The following NEMF variants were observed in gnomAD, a reference collection of about 807,000 sequenced individuals.
The protein encoded by NEMF is nuclear export mediator factor, also known as ribosome quality control complex subunit NEMF.
Under a neutral mutation model 162.2 loss-of-function variants are expected in NEMF, and 89 were observed. The ratio of observed to expected loss-of-function variants is 0.55; its 90% CI spans 0.46 to 0.65. NEMF has a LOEUF of 0.65. Ranked by LOEUF, NEMF falls within the 30% of genes least tolerant of loss-of-function variation. The probability of loss-of-function intolerance (pLI) is 0.00; values close to 1 mark genes in which losing one functional copy is unlikely to be tolerated. For missense variants in NEMF, 1,133 were observed against 1,261.9 expected, an observed-to-expected ratio of 0.90 and a Z score of 1.55; for synonymous variants, 421 against 404.5, an observed-to-expected ratio of 1.04 and a Z score of -0.49.
chr14:49,822,465 G>A (rs1487490738), intron 16 of NEMF, among the ~76,000 whole-genome samples: 1 of 151,184 alleles, frequency 6.6e-6, no homozygotes, highest in Non-Finnish European at 1.5e-5. Flanking sequence ...AGGTTGCAGT[G>A]AGCCAAGATC....
intron 11 of NEMF, 121 bp downstream of exon 11, chr14:49,831,178 G>C: frequency 1.6e-6 from 1 of 612,736 alleles, no homozygotes; most frequent in Non-Finnish European, 2.9e-6. Flanking sequence ...TAAAGAGGCA[G>C]GTCAGAGAGT....
intron 6 of NEMF, 85 bp from the exon 7 acceptor site, chr14:49,834,534 G>A (rs897303881): frequency 2.2e-5 from 21 of 946,238 alleles, no homozygotes; most frequent in African/African-American, 3.3e-5. Flanking sequence ...TTTACCCGTC[G>A]CCCAGGCCGG....
chr14:49,784,525 G>C lies in NEMF; in HGVS notation c.*111C>G. ...CTTTTGGTGAATATAGCAAGGCAAT[G>C]TTTAGTTCATTTTTATAATGCGGAA... On this transcript the variant is annotated 3_prime_UTR_variant, in exon 33 of 33. Coordinates refer to ENST00000298310, the MANE Select transcript of NEMF (RefSeq NM_004713.6). 1.4e-6 allele frequency: 1 copy of C among 732,156 alleles called. No homozygotes were observed. 45.4% of individuals were successfully genotyped at this position (732,156 alleles called of 1,614,324 possible). A position where few individuals can be genotyped will look rare whatever the true frequency, so the allele number is the denominator to read the frequency against.
intron 15 of NEMF, 103 bp from the exon 16 acceptor site, chr14:49,826,058 C>CG: frequency 4.6e-6 from 3 of 646,854 alleles, no homozygotes; most frequent in South Asian, 3.8e-5. Flanking sequence ...CACAAAATGG[C>CG]ACAATCTACA....
At chr14:49,817,315 C>T (rs377734676) in intron 16 of NEMF, among the ~76,000 whole-genome samples, 3 of 151,940 alleles carry the variant, frequency 2.0e-5, no homozygotes, top group African/African-American at 2.4e-5. Flanking sequence ...TGGTGGTGGG[C>T]GCCTGTAATC....
intron 6 of NEMF, among the ~76,000 whole-genome samples, chr14:49,836,847 C>T (rs368223950): frequency 1.3e-5 from 2 of 152,240 alleles, no homozygotes; most frequent in South Asian, 2.1e-4. Context: ...AATCTAAACA[C>T]AAAATTCATT....
At chr14:49,829,318 G>C in intron 12 of NEMF, 31 bp downstream of exon 12, 1 of 1,612,968 alleles carries the variant, frequency 6.2e-7, no homozygotes, top group South Asian at 1.1e-5. Context: ...TAACATTTTT[G>C]AAAAAGCACT....
chr14:49,809,913 G>A (rs943503539), intron 18 of NEMF, among the ~76,000 whole-genome samples: 5 of 152,156 alleles, frequency 3.3e-5, no homozygotes, highest in African/African-American at 9.6e-5. Context: ...CCATAATGAT[G>A]TGTCAATGTA....
intron 16 of NEMF, among the ~76,000 whole-genome samples, chr14:49,822,668 TAAAAAAAAAA>T (rs59170500): frequency 6.5e-5 from 3 of 46,168 alleles, no homozygotes; most frequent in South Asian, 1.2e-3. Flanking sequence ...AGTCTCTACT[TAAAAAAAAAA>T]AAAAAAAAAA....
intron 20 of NEMF, 79 bp from the exon 21 acceptor site, chr14:49,802,806 G>T: frequency 1.0e-6 from 1 of 996,184 alleles, no homozygotes; most frequent in Non-Finnish European, 1.5e-6. Context: ...AAAAATTAGT[G>T]TCAGATGACA....
intron 5 of NEMF, among the ~76,000 whole-genome samples, chr14:49,839,061 ATG>A (rs941801024): frequency 8.0e-6 from 1 of 124,920 alleles, no homozygotes; most frequent in Non-Finnish European, 1.7e-5. Context: ...ATGCTGAAGC[ATG>A]TTAATTTTTT....
intron 18 of NEMF, 103 bp from the exon 19 acceptor site, chr14:49,806,236 A>ATG (rs1475740492): frequency 6.6e-5 from 1 of 15,100 alleles, no homozygotes; most frequent in Admixed American, 8.9e-4. Context: ...ATATGTGTAT[A>ATG]TATATATATA....
At position 49,843,744 on chromosome 14, in the gene NEMF, G is replaced by A. The variant is rs117249665; in HGVS notation, c.357+2396C>T. ...GTAGTCAACTGTAATACAATAGCAAGTATTTGTGTATCTAAGTACATCTAA... is the reference window on the plus strand; with the variant it reads ...GTAGTCAACTGTAATACAATAGCAAATATTTGTGTATCTAAGTACATCTAA... On this transcript the variant is annotated intron_variant, in intron 4 of 32. Transcript: ENST00000298310. Among the ~76,000 whole-genome samples the A allele has an allele frequency of 3.6e-3, 548 of 152,274 alleles. 22 individuals carry two copies. The East Asian group carries it at 0.095, about 26-fold the overall frequency.
intron 3 of NEMF, among the ~76,000 whole-genome samples, chr14:49,848,927 CCTT>C (rs1280625533): frequency 1.3e-5 from 2 of 151,460 alleles, no homozygotes; most frequent in Non-Finnish European, 2.9e-5. Context: ...AAAATCCACT[CCTT>C]GACAAAGGTT....
rs141770989 is a variant in NEMF, at chr14:49,814,724, A to G, written c.1681+30T>C. On this transcript the variant is annotated intron_variant, in intron 17 of 32. Transcript: ENST00000298310. ...GATAACTGATCCAAACATTCAAGAGAAAATTTTTCCGAATTTTAATCTTAC... is the reference window on the plus strand; with the variant it reads ...GATAACTGATCCAAACATTCAAGAGGAAATTTTTCCGAATTTTAATCTTAC... The G allele has an allele frequency of 4.0e-6, 5 of 1,262,840 alleles. No individual in the cohort carries two copies. In the East Asian group the frequency reaches 1.2e-4, roughly 31 times the overall value. The allele number at this position is 1,262,840 out of a possible 1,614,324, so 78.2% of individuals were successfully genotyped here.
rs757464378 is a variant in NEMF at position 49,851,859 on chromosome 14, C to T, written c.76G>A (p.Val26Ile). 1.9e-6 allele frequency: 3 copies of T among 1,582,532 alleles called. No homozygotes were observed. The highest frequency in any genetic ancestry group is 2.2e-5 in the East Asian group (1 of 44,714). ...ELNASLLGMRVNNVYDVDNKT... is the reference protein window; with the variant it reads ...ELNASLLGMRINNVYDVDNKT... The stretch of plus-strand genomic sequence containing the variant: ...TTATCCACATCATAAACATTGTTTA[C>T]TCTCATTCCTAGCAAGCTGCAAAGA... The change falls in exon 2 of 33, where the codon GTA (valine) becomes ATA (isoleucine). Residue 26 changes from valine to isoleucine, a missense_variant. By Grantham distance (29) the Val-to-Ile change is conservative. Coordinates refer to ENST00000298310, the MANE Select transcript of NEMF (RefSeq NM_004713.6).
At chr14:49,833,063 C>T (rs1048841439) in intron 8 of NEMF, among the ~76,000 whole-genome samples, 8 of 152,048 alleles carry the variant, frequency 5.3e-5, no homozygotes, top group Admixed American at 5.2e-4. Context: ...GTCAGGAGTT[C>T]GAGACCAGCC....
chr14:49,850,952 C>T (rs898847599), intron 3 of NEMF, among the ~76,000 whole-genome samples: 4 of 152,084 alleles, frequency 2.6e-5, no homozygotes, highest in African/African-American at 4.8e-5. Context: ...GCCTGTAATC[C>T]CAGCACTTCA....
At position 49,782,265 on chromosome 14, in the gene NEMF, A is replaced by T; in HGVS notation, c.*2371T>A. 4 of 682,262 alleles carry T rather than the reference A, an allele frequency of 5.9e-6. No individual in the cohort carries two copies. The highest frequency in any genetic ancestry group is 1.0e-5 in the Non-Finnish European group (4 of 400,524). The allele number at this position is 682,262 out of a possible 1,614,324, so 42.3% of individuals were successfully genotyped here. On this transcript the variant is annotated 3_prime_UTR_variant, in exon 33 of 33. Transcript: ENST00000298310. ...TTCTCGCCATGATGTTTTGGTCTGA[A>T]CTACCTTAAGATCGCTAGTCTTTAT...
Sources: allele counts gnomAD v4.1 joint callset (sites outside exome capture counted in the v4.1 genomes callset), GRCh38; gene constraint gnomAD v4.1.1; transcripts MANE v1.5; gene names NCBI Gene and HGNC (gene_info 2026-07-23, HGNC 2026-07-21).